DACH2: variants seen among roughly 807,000 people sequenced by gnomAD.
DACH2 encodes dachshund family transcription factor 2.
DACH2 carries 17 observed loss-of-function variants against 35.8 expected under a neutral mutation model. The ratio of observed to expected loss-of-function variants is 0.48; its 90% CI spans 0.33 to 0.71. The LOEUF (loss-of-function observed/expected upper bound fraction) is 0.71, where lower values mean the gene tolerates loss of function less well. Among genes scored for constraint, DACH2 ranks in the 30% least tolerant of loss-of-function variants. The pLI is 0.02. For synonymous variants in DACH2, 195 were observed against 177.3 expected, an observed-to-expected ratio of 1.10 and a Z score of -0.79; for missense variants, 469 against 472.7, an observed-to-expected ratio of 0.99 and a Z score of 0.07.
chrX:86,764,676 T>A (rs1269051514), intron 7 of DACH2, among the ~76,000 whole-genome samples: 2 of 111,575 alleles, frequency 1.8e-5, no homozygotes, highest in Non-Finnish European at 3.8e-5. Flanking sequence ...TTGTGAATAG[T>A]GCTGCAATGA....
intron 3 of DACH2, among the ~76,000 whole-genome samples, chrX:86,579,787 T>C (rs2148339398): frequency 8.9e-6 from 1 of 112,496 alleles, no homozygotes; most frequent in African/African-American, 3.2e-5. Context: ...AGCTTGCAAT[T>C]TTTACATATC....
intron 2 of DACH2, among the ~76,000 whole-genome samples, chrX:86,426,306 C>T (rs1036006502): frequency 9.0e-6 from 1 of 111,253 alleles, no homozygotes; most frequent in African/African-American, 3.3e-5. Flanking sequence ...TGTGTCCTCT[C>T]TCTTCTTTGG....
Position 86,346,990 on chromosome X carries a change from A to C in DACH2, c.489-29834A>C, listed in dbSNP as rs375051103. Among the ~76,000 whole-genome samples the C allele has an allele frequency of 3.4e-4, 38 of 111,720 alleles. No homozygotes were observed. The East Asian group carries it at 4.2e-3, about 12-fold the overall frequency. On this transcript the variant is annotated intron_variant, in intron 1 of 11. Transcript: ENST00000373125. ...TGTTTTCATGGAGAACTGTTTTGTA[A>C]TGTTAAACACAGTTATATTTGCAGT...
At chrX:86,173,643 G>A (rs1569290836) in intron 1 of DACH2, among the ~76,000 whole-genome samples, 3 of 111,831 alleles carry the variant, frequency 2.7e-5, no homozygotes, top group East Asian at 2.8e-4. Flanking sequence ...TAATGGAGTA[G>A]GAAAGAGATC....
intron 2 of DACH2, among the ~76,000 whole-genome samples, chrX:86,421,829 T>G (rs2036807963): frequency 9.0e-6 from 1 of 111,136 alleles, no homozygotes; most frequent in Non-Finnish European, 1.9e-5. Flanking sequence ...ATGCATATTT[T>G]GTTTTTTCCA....
chrX:86,295,001 C>T (rs1488295324), intron 1 of DACH2, among the ~76,000 whole-genome samples: 4 of 112,629 alleles, frequency 3.6e-5, no homozygotes, highest in South Asian at 3.6e-4. Flanking sequence ...TGGGCAATGG[C>T]GGGCGCCCCT....
At chrX:86,496,991 G>A (rs1473420507) in intron 2 of DACH2, among the ~76,000 whole-genome samples, 1 of 112,083 alleles carries the variant, frequency 8.9e-6, no homozygotes, top group African/African-American at 3.2e-5. Context: ...CCTCATTACA[G>A]GAATGCTCTG....
At chrX:86,769,588 A>G (rs2041967912) in intron 7 of DACH2, among the ~76,000 whole-genome samples, 1 of 112,075 alleles carries the variant, frequency 8.9e-6, no homozygotes, top group South Asian at 3.7e-4. Flanking sequence ...GGACTAGCTC[A>G]TCTGAGATGA....
At chrX:86,542,181 G>T (rs1473176338) in intron 3 of DACH2, among the ~76,000 whole-genome samples, 1 of 111,450 alleles carries the variant, frequency 9.0e-6, no homozygotes, top group Non-Finnish European at 1.9e-5. Context: ...GAAAAAGAAA[G>T]TGAAATTCCC....
rs951249337 is a variant in DACH2, at chrX:86,301,816, G to A, written c.489-75008G>A. Among the ~76,000 whole-genome samples the A allele has an allele frequency of 2.7e-5, 3 of 111,652 alleles. No homozygotes were observed. In the East Asian group the frequency reaches 8.5e-4, roughly 31 times the overall value. On this transcript the variant is annotated intron_variant, in intron 1 of 11. Coordinates refer to ENST00000373125, the MANE Select transcript of DACH2 (RefSeq NM_053281.3). ...CAGTATATTAATTGTCCTGAATATG[G>A]CACAGACACAGAAGGATTTCTAAAA...
intron 3 of DACH2, 75 bp downstream of exon 3, chrX:86,514,466 A>C: frequency 1.1e-6 from 1 of 935,215 alleles, no homozygotes; most frequent in Non-Finnish European, 1.5e-6. Context: ...ATATTGATCT[A>C]ACTGCCTTGT....
intron 3 of DACH2, among the ~76,000 whole-genome samples, chrX:86,636,345 A>G (rs1056254883): frequency 9.0e-6 from 1 of 111,283 alleles, no homozygotes; most frequent in Non-Finnish European, 1.9e-5. Flanking sequence ...CTACTCAGAA[A>G]GCTGAGACAG....
chrX:86,525,198 CA>C (rs1409086324), intron 3 of DACH2, among the ~76,000 whole-genome samples: 7 of 110,293 alleles, frequency 6.3e-5, no homozygotes, highest in African/African-American at 9.9e-5. Context: ...AAAAAACAAA[CA>C]AAAAAACCCT....
chrX:86,403,062 C>A (rs1170404098), intron 2 of DACH2, among the ~76,000 whole-genome samples: 1 of 111,993 alleles, frequency 8.9e-6, no homozygotes, highest in African/African-American at 3.2e-5. Context: ...AAATGTAATA[C>A]CTCAAACTAT....
chrX:86,524,257 G>A (rs1451396914), intron 3 of DACH2, among the ~76,000 whole-genome samples: 1 of 112,282 alleles, frequency 8.9e-6, no homozygotes, highest in Non-Finnish European at 1.9e-5. Context: ...ACTACTTCCT[G>A]CTGACAGGGG....
intron 2 of DACH2, among the ~76,000 whole-genome samples, chrX:86,436,146 C>A (rs2037064174): frequency 9.0e-6 from 1 of 110,591 alleles, no homozygotes; most frequent in African/African-American, 3.3e-5. Flanking sequence ...TAATTATAGA[C>A]CTCCCCAGGA....
intron 1 of DACH2, among the ~76,000 whole-genome samples, chrX:86,255,908 A>G (rs2033509770): frequency 9.0e-6 from 1 of 111,448 alleles, no homozygotes; most frequent in Admixed American, 9.6e-5. Context: ...TATATAAATT[A>G]TAACATGGGC....
intron 2 of DACH2, among the ~76,000 whole-genome samples, chrX:86,452,037 G>A (rs1021770107): frequency 1.8e-5 from 2 of 111,673 alleles, no homozygotes; most frequent in Admixed American, 1.9e-4. Context: ...TTAACATAAA[G>A]GGATGTTGAA....
intron 7 of DACH2, among the ~76,000 whole-genome samples, chrX:86,780,983 G>C (rs963299189): frequency 1.8e-5 from 2 of 111,222 alleles, no homozygotes; most frequent in Non-Finnish European, 3.8e-5. Context: ...GGGATGGGGA[G>C]GCTGTTTCTT....
Sources: allele counts gnomAD v4.1 joint callset (sites outside exome capture counted in the v4.1 genomes callset), GRCh38; gene constraint gnomAD v4.1.1; transcripts MANE v1.5; gene names NCBI Gene and HGNC (gene_info 2026-07-23, HGNC 2026-07-21).